The following LOXL2 variants were observed in gnomAD, a reference collection of about 807,000 sequenced individuals.
LOXL2 encodes the protein lysyl oxidase homolog 2.
A neutral mutation model predicts 93.0 loss-of-function variants in LOXL2; 70 were observed. The ratio of observed to expected loss-of-function variants is 0.75; its 90% CI spans 0.62 to 0.92. LOXL2 has a LOEUF of 0.92. Among genes scored for constraint, LOXL2 ranks in the 40% least tolerant of loss-of-function variants. The pLI, the probability that LOXL2 is intolerant of heterozygous loss-of-function variation, is 0.00. For missense variants in LOXL2, 973 were observed against 1,054.9 expected (o/e 0.92, Z 1.08); for synonymous variants, 438 against 413.2 (o/e 1.06, Z -0.73).
intron 3 of LOXL2, among the ~76,000 whole-genome samples, chr8:23,357,503 TTTAA>T (rs1169492703): frequency 1.3e-5 from 2 of 152,216 alleles, no homozygotes; most frequent in Non-Finnish European, 2.9e-5. Context: ...TGTGTGTTAA[TTTAA>T]TTGTTTGGGT....
chr8:23,322,598 G>A (rs1409659350), intron 6 of LOXL2, among the ~76,000 whole-genome samples: 1 of 152,198 alleles, frequency 6.6e-6, no homozygotes, highest in Non-Finnish European at 1.5e-5. Flanking sequence ...ACTAGAAGTT[G>A]TATAAGTTTC....
intron 1 of LOXL2, among the ~76,000 whole-genome samples, chr8:23,403,107 G>T (rs1800173084): frequency 6.6e-6 from 1 of 152,160 alleles, no homozygotes; most frequent in Non-Finnish European, 1.5e-5. Flanking sequence ...CACACCCAGA[G>T]GGCTTCCAAA....
At chr8:23,393,908 C>T (rs1234025016) in intron 1 of LOXL2, among the ~76,000 whole-genome samples, 1 of 152,168 alleles carries the variant, frequency 6.6e-6, no homozygotes, top group Non-Finnish European at 1.5e-5. Flanking sequence ...AGCTTATACA[C>T]TTCTGGATCC....
At chr8:23,311,263 T>C (rs1333588821) in intron 9 of LOXL2, among the ~76,000 whole-genome samples, 1 of 152,090 alleles carries the variant, frequency 6.6e-6, no homozygotes, top group Non-Finnish European at 1.5e-5. Context: ...AGAGAGCAGA[T>C]CCACTCGCAA....
chr8:23,328,606 C>T (rs781748231), intron 5 of LOXL2, 41 bp from the exon 6 acceptor site: 17 of 1,583,124 alleles, frequency 1.1e-5, no homozygotes, highest in Non-Finnish European at 1.4e-5. Flanking sequence ...GACGCTGATG[C>T]ACGTTCAGCG....
At position 23,336,231 on chromosome 8, in the gene LOXL2, G is replaced by C. The variant is rs143055702; in HGVS notation, c.744-2608C>G. ...CCCTCTCCAGGAACAGATGTCCTGC[G>C]TTCTAAATGAAGAGTGCAGAGCCCA... On this transcript the variant is annotated intron_variant, in intron 4 of 13. Coordinates refer to ENST00000389131, the MANE Select transcript of LOXL2 (RefSeq NM_002318.3). 1.3e-5 allele frequency: 2 copies of C among 152,460 alleles called. 1 individual carries two copies. The highest frequency in any genetic ancestry group is 4.1e-4 in the South Asian group (2 of 4,824). The allele number at this position is 152,460 out of a possible 1,614,324, so 9.4% of individuals were successfully genotyped here.
At chr8:23,304,336 C>T (rs1341515253) in intron 10 of LOXL2, among the ~76,000 whole-genome samples, 4 of 152,344 alleles carry the variant, frequency 2.6e-5, no homozygotes, top group African/African-American at 9.6e-5. Context: ...ACAAGGGAAA[C>T]GGGGCTGTCG....
rs35274565 is a variant in LOXL2 at position 23,354,588 on chromosome 8, CTGTGTG to C, written c.531+5496_531+5501del. Among the ~76,000 whole-genome samples, 63 of 150,910 alleles carry C rather than the reference CTGTGTG, an allele frequency of 4.2e-4. 2 individuals are homozygous for C. Among genetic ancestry groups the C allele is most frequent in the Admixed American group, 1.3e-3 (20 of 15,144 alleles). ...ACACATGCTGGTTGGCATCCCTTCT[CTGTGTG>C]TGTGTGTGTGTGTTCTCACACACAT... is the stretch of plus-strand genomic sequence containing the variant. On this transcript the variant is annotated intron_variant, in intron 3 of 13. Coordinates refer to ENST00000389131, the MANE Select transcript of LOXL2 (RefSeq NM_002318.3).
intron 1 of LOXL2, chr8:23,386,011 C>T (rs1804754855): frequency 7.8e-6 from 6 of 765,132 alleles, no homozygotes; most frequent in Non-Finnish European, 1.4e-5. Flanking sequence ...TTTGGACAAC[C>T]CCCTGAGCAA....
chr8:23,355,617 T>G (rs576763260), intron 3 of LOXL2, among the ~76,000 whole-genome samples: 3 of 150,984 alleles, frequency 2.0e-5, no homozygotes, highest in Non-Finnish European at 4.4e-5. Context: ...TTCTTTTTTT[T>G]TTTTTTTGAG....
rs1448860502 is a variant in LOXL2, at chr8:23,328,478, C to T, written c.1054G>A (p.Asp352Asn). The T allele has an allele frequency of 3.7e-6, 6 of 1,614,024 alleles. No individual in the cohort carries two copies. Among genetic ancestry groups the T allele is most frequent in the East Asian group, 2.2e-5 (1 of 44,874 alleles). Residue 352 changes from aspartate (D) to asparagine (N), a missense_variant, in exon 6 of 14, where the codon GAC (aspartate) becomes AAC (asparagine). By Grantham distance (23) the Asp-to-Asn change is conservative. Coordinates refer to ENST00000389131, the MANE Select transcript of LOXL2 (RefSeq NM_002318.3). The part of the protein sequence containing the change: ...LKNGEWGTVC[D>N]DKWDLVSASV... Reference sequence around the variant, plus strand: ...GCCGACACCAGGTCCCACTTGTCGTCGCAGACGGTCCCCCATTCTCCATTT... The same window carrying T: ...GCCGACACCAGGTCCCACTTGTCGTTGCAGACGGTCCCCCATTCTCCATTT...
At chr8:23,356,196 G>C (rs747370701) in intron 3 of LOXL2, among the ~76,000 whole-genome samples, 4 of 152,148 alleles carry the variant, frequency 2.6e-5, no homozygotes, top group Non-Finnish European at 4.4e-5. Flanking sequence ...CAGAGCCCTA[G>C]GGCTCACCAT....
At chr8:23,386,127 A>G (rs1381944872) in intron 1 of LOXL2, 4 of 738,284 alleles carry the variant, frequency 5.4e-6, no homozygotes, top group African/African-American at 3.4e-5. Flanking sequence ...TGGAATTTGT[A>G]ACCAGGCCAG....
At position 23,344,149 on chromosome 8, in the gene LOXL2, C is replaced by T. The variant is rs565016614; in HGVS notation, c.532-2946G>A. Among the ~76,000 whole-genome samples the T allele has an allele frequency of 7.2e-5, 11 of 152,380 alleles. No homozygotes were observed. In the East Asian group the frequency reaches 1.7e-3, roughly 24 times the overall value. On this transcript the variant is annotated intron_variant, in intron 3 of 13. Coordinates refer to ENST00000389131, the MANE Select transcript of LOXL2 (RefSeq NM_002318.3). ...GCTACGCGGGCCTGAGGCCAGCACA[C>T]ACCAACCCAAACGCCAAGGGAGCTT...
At chr8:23,369,873 C>T (rs1164369061) in intron 1 of LOXL2, among the ~76,000 whole-genome samples, 2 of 152,156 alleles carry the variant, frequency 1.3e-5, no homozygotes, top group Non-Finnish European at 2.9e-5. Flanking sequence ...TCATCATTCC[C>T]ATCAAAGCAC....
intron 3 of LOXL2, among the ~76,000 whole-genome samples, chr8:23,351,390 C>T (rs1804091956): frequency 6.6e-6 from 1 of 152,310 alleles, no homozygotes; most frequent in South Asian, 2.1e-4. Context: ...CAGCTCAAGC[C>T]CCCACTTCCT....
At chr8:23,335,518 G>A (rs1451901579) in intron 4 of LOXL2, among the ~76,000 whole-genome samples, 1 of 152,182 alleles carries the variant, frequency 6.6e-6, no homozygotes, top group Admixed American at 6.5e-5. Context: ...GGATTCCATG[G>A]TTGGAGTGAT....
At chr8:23,337,415 A>G (rs4556093) in intron 4 of LOXL2, 82,272 of 152,018 alleles carry the variant, frequency 0.54, 22,742 homozygotes, top group South Asian at 0.63. Context: ...GGTGAAAGGC[A>G]TGTCTTCAGG....
In LOXL2 at chr8:23,319,938, CCT is replaced by C. The variant is rs771302988; in HGVS notation, c.1415_1416del (p.Glu472GlyfsTer77). 1.2e-6 allele frequency: 2 copies of C among 1,614,048 alleles called. No homozygotes were observed. Among genetic ancestry groups the C allele is most frequent in the Admixed American group, 1.7e-5 (1 of 60,018 alleles). ...MVCGQNWGIV[E>X]AMVVCRQLGL... ...CCCAGCTGGCGGCAGACCACCATGG[CCT>C]CCACGATGCCCCAGTTTTGGCCACA... is the stretch of plus-strand genomic sequence containing the variant. On this transcript the variant is annotated frameshift_variant, in exon 8 of 14. Coordinates refer to ENST00000389131, the MANE Select transcript of LOXL2 (RefSeq NM_002318.3). LOFTEE classifies it high-confidence loss of function.
Sources: gnomAD v4.1 joint callset for allele counts (sites outside exome capture counted in the v4.1 genomes callset) on GRCh38, gnomAD v4.1.1 for gene constraint, MANE v1.5 for transcripts, NCBI Gene and HGNC (gene_info 2026-07-23, HGNC 2026-07-21) for gene names.